The following FAM168A variants were observed in gnomAD, a reference collection of about 807,000 sequenced individuals.
FAM168A encodes protein FAM168A.
In FAM168A, 3 loss-of-function variants were observed where a neutral mutation model predicts 28.5. The ratio of observed to expected loss-of-function variants is 0.11; its 90% CI spans 0.05 to 0.27. The LOEUF (loss-of-function observed/expected upper bound fraction) is 0.27, where lower values mean the gene tolerates loss of function less well. FAM168A is among the 10% of genes least tolerant of loss of function. The pLI, the probability that FAM168A is intolerant of heterozygous loss-of-function variation, is 1.00. For missense variants in FAM168A, 222 were observed against 311.5 expected (o/e 0.71, Z 2.16); for synonymous variants, 122 against 124.2 (o/e 0.98, Z 0.12).
chr11:73,420,021 G>T, intron 3 of FAM168A, 22 bp from the exon 4 acceptor site: 1 of 1,611,686 alleles, frequency 6.2e-7, no homozygotes, highest in South Asian at 1.1e-5. Flanking sequence ...ACACAAGAAT[G>T]GCATTAGACA....
At chr11:73,497,154 T>C (rs1854906843) in intron 1 of FAM168A, among the ~76,000 whole-genome samples, 1 of 152,174 alleles carries the variant, frequency 6.6e-6, no homozygotes, top group Non-Finnish European at 1.5e-5. Flanking sequence ...TGTTTTGGCC[T>C]CTGGCCTGCG....
intron 2 of FAM168A, among the ~76,000 whole-genome samples, chr11:73,442,125 C>CTTTTTT (rs59066860): frequency 1.5e-5 from 2 of 131,000 alleles, no homozygotes; most frequent in African/African-American, 3.0e-5. Context: ...CTTTCTTCTT[C>CTTTTTT]TTTTTTTTTT....
At chr11:73,423,120 T>C (rs949558368) in intron 3 of FAM168A, among the ~76,000 whole-genome samples, 1 of 152,244 alleles carries the variant, frequency 6.6e-6, no homozygotes, top group Non-Finnish European at 1.5e-5. Context: ...GATTGCTTCA[T>C]AGTACTGATG....
chr11:73,412,187 T>A (rs146973806), intron 4 of FAM168A: 1 of 148,822 alleles, frequency 6.7e-6, no homozygotes, highest in East Asian at 2.0e-4. Flanking sequence ...ATGCTGACCA[T>A]ACAAAACACC....
At chr11:73,491,611 C>G (rs1299657361) in intron 1 of FAM168A, among the ~76,000 whole-genome samples, 2 of 152,198 alleles carry the variant, frequency 1.3e-5, no homozygotes, top group Admixed American at 6.5e-5. Flanking sequence ...GACTTGAACT[C>G]AAGTTCCCTA....
Position 73,554,131 on chromosome 11 carries a change from T to C in FAM168A, c.-19+43792A>G, listed in dbSNP as rs571243474. 4.0e-4 allele frequency among the ~76,000 whole-genome samples: 61 copies of C among 152,214 alleles called. 1 individual carries two copies. Among genetic ancestry groups the C allele is most frequent in the African/African-American group, 1.4e-3 (60 of 41,518 alleles). The stretch of plus-strand genomic sequence containing the variant: ...TGGCTCACACCTGTAATCCCAGCAC[T>C]TTGGGAGGCCAAGGTGGGAGGATCA... On this transcript the variant is annotated intron_variant, in intron 1 of 7. Transcript: ENST00000356467.
chr11:73,538,869 A>C (rs889796183), intron 1 of FAM168A, among the ~76,000 whole-genome samples: 16 of 152,206 alleles, frequency 1.1e-4, no homozygotes, highest in Admixed American at 1.0e-3. Context: ...AGCCACATTC[A>C]TCTAGATTTT....
At chr11:73,587,321 G>T (rs575124714) in intron 1 of FAM168A, among the ~76,000 whole-genome samples, 1 of 152,038 alleles carries the variant, frequency 6.6e-6, no homozygotes, top group South Asian at 2.1e-4. Flanking sequence ...CAAAAACCCC[G>T]TTTCTACTAA....
intron 2 of FAM168A, among the ~76,000 whole-genome samples, chr11:73,432,533 C>T (rs553710531): frequency 6.4e-4 from 97 of 152,124 alleles, no homozygotes; most frequent in Non-Finnish European, 1.2e-3. Flanking sequence ...TAACGACTAA[C>T]GATATTGAGC....
intron 2 of FAM168A, among the ~76,000 whole-genome samples, chr11:73,464,201 A>C (rs1446650121): frequency 1.3e-5 from 2 of 150,978 alleles, no homozygotes; most frequent in Admixed American, 6.6e-5. Flanking sequence ...AAAAAAAAAA[A>C]CACATACGAA....
chr11:73,478,636 C>A (rs1192913375), intron 1 of FAM168A, among the ~76,000 whole-genome samples: 2 of 152,140 alleles, frequency 1.3e-5, no homozygotes, highest in Non-Finnish European at 2.9e-5. Flanking sequence ...ACTAAAAATA[C>A]AAATTGTTGA....
chr11:73,529,898 T>C (rs1427601458), intron 1 of FAM168A, among the ~76,000 whole-genome samples: 1 of 150,216 alleles, frequency 6.7e-6, no homozygotes, highest in Non-Finnish European at 1.5e-5. Flanking sequence ...GCAATTCTTC[T>C]GCCTCAGTCT....
At chr11:73,551,018 G>A (rs867296791) in intron 1 of FAM168A, among the ~76,000 whole-genome samples, 9 of 151,756 alleles carry the variant, frequency 5.9e-5, no homozygotes, top group Non-Finnish European at 1.0e-4. Flanking sequence ...GGCTGAGGCG[G>A]AAGAATGGCA....
Position 73,402,153 on chromosome 11 carries a change from G to C in FAM168A, c.*4610C>G, listed in dbSNP as rs745492132. ...AGCAGCGGGGGCCGCACAGCCAGTA[G>C]TGATGTGGGAGAATACAGGATGGAA... is the stretch of plus-strand genomic sequence containing the variant. On this transcript the variant is annotated 3_prime_UTR_variant, in exon 8 of 8. Coordinates refer to ENST00000356467, the MANE Select transcript of FAM168A (RefSeq NM_015159.3). The C allele has an allele frequency of 1.3e-5, 2 of 152,302 alleles. No homozygotes were observed. The highest frequency in any genetic ancestry group is 2.9e-5 in the Non-Finnish European group (2 of 68,084). The allele number at this position is 152,302 out of a possible 1,614,324, so 9.4% of individuals were successfully genotyped here.
chr11:73,544,428 A>G (rs757639746), intron 1 of FAM168A, among the ~76,000 whole-genome samples: 118 of 152,106 alleles, frequency 7.8e-4, no homozygotes, highest in Non-Finnish European at 1.4e-3. Context: ...CTACTCCTAG[A>G]TGTATACCCA....
intron 1 of FAM168A, among the ~76,000 whole-genome samples, chr11:73,517,575 G>A (rs910167842): frequency 2.0e-5 from 3 of 152,142 alleles, no homozygotes; most frequent in African/African-American, 7.2e-5. Context: ...GTGGTGGATT[G>A]TGATTGTCCA....
intron 3 of FAM168A, among the ~76,000 whole-genome samples, chr11:73,424,231 A>G (rs565031015): frequency 6.6e-6 from 1 of 152,340 alleles, no homozygotes; most frequent in Admixed American, 6.5e-5. Context: ...CACAAATTCA[A>G]TTTCCAGCAT....
intron 2 of FAM168A, among the ~76,000 whole-genome samples, chr11:73,442,995 T>TATATATATATATATATATAC (rs1867231261): frequency 7.7e-6 from 1 of 130,692 alleles, no homozygotes; most frequent in Non-Finnish European, 1.6e-5. Context: ...TATATATATA[T>TATATATATATATATATATAC]ATGCCAAGCC....
At chr11:73,555,213 A>T (rs1943875762) in intron 1 of FAM168A, among the ~76,000 whole-genome samples, 1 of 152,186 alleles carries the variant, frequency 6.6e-6, no homozygotes, top group African/African-American at 2.4e-5. Context: ...TGCAAAAGTC[A>T]TCAGGGGCCT....
Sources: gnomAD v4.1 joint callset for allele counts (sites outside exome capture counted in the v4.1 genomes callset) on GRCh38, gnomAD v4.1.1 for gene constraint, MANE v1.5 for transcripts, NCBI Gene and HGNC (gene_info 2026-07-23, HGNC 2026-07-21) for gene names.